SMURF1: variants seen among roughly 807,000 people sequenced by gnomAD.
SMURF1 encodes E3 ubiquitin-protein ligase SMURF1.
Under a neutral mutation model 98.0 loss-of-function variants are expected in SMURF1, and 44 were observed. The ratio of observed to expected loss-of-function variants is 0.45; its 90% CI spans 0.35 to 0.58. The LOEUF (loss-of-function observed/expected upper bound fraction) is 0.58, where lower values mean the gene tolerates loss of function less well. Among genes scored for constraint, SMURF1 ranks in the 20% least tolerant of loss-of-function variants. SMURF1 has a pLI of 0.00. For missense variants in SMURF1, 687 were observed against 938.4 expected, an observed-to-expected ratio of 0.73 and a Z score of 3.50; for synonymous variants, 396 against 374.9, an observed-to-expected ratio of 1.06 and a Z score of -0.65.
intron 1 of SMURF1, among the ~76,000 whole-genome samples, chr7:99,107,343 T>C (rs1471918287): frequency 1.3e-5 from 2 of 151,398 alleles, no homozygotes; most frequent in African/African-American, 2.4e-5. Context: ...ACAATGTGCT[T>C]ATTTCACATT....
At chr7:99,108,611 C>CA (rs11458541) in intron 1 of SMURF1, among the ~76,000 whole-genome samples, 40,352 of 58,680 alleles carry the variant, frequency 0.69, 15,313 homozygotes, top group South Asian at 0.87. Flanking sequence ...AACTCTGTCT[C>CA]AAAAAAAAAA....
chr7:99,035,637 C>A lies in SMURF1; in HGVS notation c.1889G>T (p.Ser630Ile). ...NTRLKHCVAD[S>I]NIVRWFWQAV... is the part of the protein sequence containing the mutation. ...TTGCCAGAACCACCGCACGATGTTG[C>A]TGTCGGCCACACAGTGCTTCAGCCG... Residue 630 changes from serine (S) to isoleucine (I), a missense_variant, in exon 16 of 18, where the codon AGC (serine) becomes ATC (isoleucine). Physicochemically the swap from Ser to Ile is moderately radical, Grantham distance 142. This residue lies in a region of SMURF1 where 272 missense variants were observed against 430.0 expected (regional missense o/e 0.63). Coordinates refer to ENST00000361368, the MANE Select transcript of SMURF1 (RefSeq NM_181349.3). The A allele has an allele frequency of 6.2e-7, 1 of 1,614,266 alleles. No individual in the cohort carries two copies. The highest frequency in any genetic ancestry group is 8.5e-7 in the Non-Finnish European group (1 of 1,180,050).
intron 1 of SMURF1, among the ~76,000 whole-genome samples, chr7:99,080,453 C>T (rs761015012): frequency 6.6e-6 from 1 of 152,212 alleles, no homozygotes; most frequent in Non-Finnish European, 1.5e-5. Context: ...GCATGCACCA[C>T]TACACCCGGC....
intron 1 of SMURF1, among the ~76,000 whole-genome samples, chr7:99,080,366 C>T (rs1051194321): frequency 6.6e-6 from 1 of 152,210 alleles, no homozygotes; most frequent in East Asian, 1.9e-4. Context: ...GCGGCGCGAT[C>T]CCGGCTCACT....
intron 1 of SMURF1, among the ~76,000 whole-genome samples, chr7:99,128,503 G>A (rs1797793576): frequency 6.6e-6 from 1 of 152,160 alleles, no homozygotes; most frequent in Admixed American, 6.5e-5. Flanking sequence ...TGCTATCCTT[G>A]CAGGTTTTAC....
chr7:99,105,243 A>G (rs950192879), intron 1 of SMURF1, among the ~76,000 whole-genome samples: 2 of 152,248 alleles, frequency 1.3e-5, no homozygotes, highest in South Asian at 4.1e-4. Flanking sequence ...TCTGAAAGAA[A>G]GACATTTTTA....
intron 1 of SMURF1, among the ~76,000 whole-genome samples, chr7:99,133,139 G>A (rs902964727): frequency 1.6e-4 from 25 of 152,248 alleles, no homozygotes; most frequent in Non-Finnish European, 2.1e-4. Context: ...CAGTGCACGC[G>A]GAGCTAGTGA....
chr7:99,027,640 G>A lies in SMURF1; in HGVS notation c.*2944C>T, dbSNP rs1322656575. ...ACAAAATAAATCAGTGATAAAAACA[G>A]TGGGAAGGATAACAAGGATAGCAGC... On this transcript the variant is annotated 3_prime_UTR_variant, in exon 18 of 18. Transcript: ENST00000361368. 1 of 152,640 alleles carries A rather than the reference G, an allele frequency of 6.6e-6. No homozygotes were observed. The allele number at this position is 152,640 out of a possible 1,614,324, so 9.5% of individuals were successfully genotyped here. A position where few individuals can be genotyped will look rare whatever the true frequency, so the allele number is the denominator to read the frequency against.
chr7:99,123,684 G>GA (rs780485615), intron 1 of SMURF1, among the ~76,000 whole-genome samples: 3 of 152,250 alleles, frequency 2.0e-5, no homozygotes, highest in Admixed American at 6.5e-5. Flanking sequence ...CACAGCCCTT[G>GA]AACTGATCAC....
intron 8 of SMURF1, 38 bp downstream of exon 8, chr7:99,051,319 G>T: frequency 6.5e-7 from 1 of 1,539,876 alleles, no homozygotes; most frequent in Non-Finnish European, 9.0e-7. Context: ...TCAACTGCTG[G>T]AAAGACAGCT....
intron 12 of SMURF1, 21 bp from the exon 13 acceptor site, chr7:99,040,577 C>T (rs148323409): frequency 7.1e-7 from 1 of 1,404,150 alleles, no homozygotes; most frequent in East Asian, 2.8e-5. Context: ...CACCAGAGAA[C>T]ACGAATTTGT....
intron 11 of SMURF1, among the ~76,000 whole-genome samples, chr7:99,044,285 C>T (rs569306230): frequency 1.3e-5 from 2 of 152,072 alleles, no homozygotes; most frequent in East Asian, 3.8e-4. Context: ...GGACTCCAGC[C>T]TGGGCCATAG....
chr7:99,034,696 G>T (rs1562995828), intron 16 of SMURF1, among the ~76,000 whole-genome samples: 1 of 152,184 alleles, frequency 6.6e-6, no homozygotes, highest in South Asian at 2.1e-4. Flanking sequence ...GAGGCTCCCA[G>T]ATACGAGCGG....
In SMURF1 at chr7:99,097,396, C is replaced by T. The variant is rs1010570904; in HGVS notation, c.56-35559G>A. Among the ~76,000 whole-genome samples, 75 of 152,276 alleles carry T rather than the reference C, an allele frequency of 4.9e-4. 1 individual carries two copies. The Middle Eastern group carries it at 0.01, about 21-fold the overall frequency. On this transcript the variant is annotated intron_variant, in intron 1 of 17. Transcript: ENST00000361368. ...GAGTAAATGTTGGAAACTTCATCTT[C>T]AATGCAACTGTGCTGGGAGGTGGAC...
chr7:99,118,050 A>G (rs1797502070), intron 1 of SMURF1, among the ~76,000 whole-genome samples: 1 of 152,236 alleles, frequency 6.6e-6, no homozygotes, highest in Non-Finnish European at 1.5e-5. Flanking sequence ...ATTAGTCATT[A>G]GGGAAATGCA....
At chr7:99,076,354 C>T (rs1265309323) in intron 1 of SMURF1, among the ~76,000 whole-genome samples, 2 of 152,230 alleles carry the variant, frequency 1.3e-5, no homozygotes, top group Admixed American at 1.3e-4. Flanking sequence ...AGTGACAAGT[C>T]ACGCTGATAT....
chr7:99,118,820 T>C (rs1450671479), intron 1 of SMURF1, among the ~76,000 whole-genome samples: 3 of 152,050 alleles, frequency 2.0e-5, no homozygotes, highest in African/African-American at 7.2e-5. Context: ...GACAGCTCTA[T>C]ATTATACTGA....
intron 1 of SMURF1, among the ~76,000 whole-genome samples, chr7:99,108,919 C>T (rs1424745426): frequency 1.3e-5 from 2 of 152,068 alleles, no homozygotes; most frequent in South Asian, 2.1e-4. Flanking sequence ...GCTAATGCAT[C>T]GTGTTGAAAG....
At chr7:99,138,043 G>C (rs1231169911) in intron 1 of SMURF1, among the ~76,000 whole-genome samples, 1 of 152,020 alleles carries the variant, frequency 6.6e-6, no homozygotes, top group Non-Finnish European at 1.5e-5. Flanking sequence ...ATTTAAGTTG[G>C]AGGCTTTCAC....
Sources: allele counts gnomAD v4.1 joint callset (sites outside exome capture counted in the v4.1 genomes callset), GRCh38; gene constraint gnomAD v4.1.1; regional missense constraint gnomAD v4.1.1; transcripts MANE v1.5; gene names NCBI Gene and HGNC (gene_info 2026-07-23, HGNC 2026-07-21).